Variants in HERPUD2 observed in about 807,000 individuals in gnomAD.
HERPUD2 encodes homocysteine-responsive endoplasmic reticulum-resident ubiquitin-like domain member 2 protein.
Under a neutral mutation model 49.9 loss-of-function variants are expected in HERPUD2, and 13 were observed. The observed-to-expected ratio is 0.26, with a 90% confidence interval of 0.17 to 0.41. The LOEUF (loss-of-function observed/expected upper bound fraction) is 0.41, where lower values mean the gene tolerates loss of function less well. HERPUD2 is among the 10% of genes least tolerant of loss of function. The pLI, the probability that HERPUD2 is intolerant of heterozygous loss-of-function variation, is 1.00. For missense variants in HERPUD2, 449 were observed against 492.2 expected, an observed-to-expected ratio of 0.91 and a Z score of 0.83; for synonymous variants, 172 against 171.4, an observed-to-expected ratio of 1.00 and a Z score of -0.03.
intron 5 of HERPUD2, among the ~76,000 whole-genome samples, chr7:35,652,701 A>AAGGGAAGGG (rs1785192738): frequency 6.6e-6 from 1 of 151,322 alleles, no homozygotes; most frequent in Non-Finnish European, 1.5e-5. Context: ...GAGGGAGGGG[A>AAGGGAAGGG]AGGGAAGGGA....
chr7:35,643,497 C>T (rs1301553598), intron 5 of HERPUD2, among the ~76,000 whole-genome samples: 2 of 152,070 alleles, frequency 1.3e-5, no homozygotes, highest in Non-Finnish European at 2.9e-5. Context: ...TATGGAGTGA[C>T]TTCTTAGATA....
chr7:35,639,570 G>A (rs1010492863), intron 5 of HERPUD2, among the ~76,000 whole-genome samples: 9 of 152,126 alleles, frequency 5.9e-5, no homozygotes, highest in African/African-American at 2.2e-4. Context: ...CAACTACAGA[G>A]ATAAACAGGT....
chr7:35,640,543 G>A (rs1784953274), intron 5 of HERPUD2, among the ~76,000 whole-genome samples: 1 of 152,148 alleles, frequency 6.6e-6, no homozygotes, highest in Non-Finnish European at 1.5e-5. Context: ...ACCTCCCCAA[G>A]TATTCTTCCC....
At chr7:35,667,306 C>T (rs1785556526) in intron 5 of HERPUD2, 128 bp downstream of exon 5, 1 of 884,998 alleles carries the variant, frequency 1.1e-6, no homozygotes, top group Non-Finnish European at 1.7e-6. Context: ...TCTCAAAATA[C>T]AAAATCAAAT....
intron 2 of HERPUD2, among the ~76,000 whole-genome samples, chr7:35,688,419 T>A (rs146476735): frequency 6.6e-6 from 1 of 152,322 alleles, no homozygotes; most frequent in African/African-American, 2.4e-5. Flanking sequence ...CTTCCACTCA[T>A]GGGTAGAGAT....
intron 2 of HERPUD2, 123 bp downstream of exon 2, chr7:35,694,061 C>G: frequency 1.1e-6 from 1 of 944,124 alleles, no homozygotes; most frequent in Non-Finnish European, 1.7e-6. Context: ...CTCAAAATAC[C>G]TCGCGGTCTA....
intron 2 of HERPUD2, among the ~76,000 whole-genome samples, chr7:35,674,480 G>T (rs1424955709): frequency 7.6e-6 from 1 of 132,382 alleles, no homozygotes. Flanking sequence ...CTGTGGTATC[G>T]TAAAATGTAT....
intron 5 of HERPUD2, among the ~76,000 whole-genome samples, chr7:35,644,256 T>TAA (rs1163850886): frequency 7.1e-6 from 1 of 140,886 alleles, no homozygotes; most frequent in African/African-American, 2.6e-5. Context: ...ATAATTCCTT[T>TAA]AAAAAAAAAA....
intron 5 of HERPUD2, among the ~76,000 whole-genome samples, chr7:35,651,566 C>T (rs1785167996): frequency 6.6e-6 from 1 of 152,052 alleles, no homozygotes; most frequent in South Asian, 2.1e-4. Flanking sequence ...CCACCATAGA[C>T]CCATCTTTAG....
intron 2 of HERPUD2, among the ~76,000 whole-genome samples, chr7:35,679,513 A>AAGAC (rs138639895): frequency 6.6e-6 from 1 of 151,874 alleles, no homozygotes; most frequent in African/African-American, 2.4e-5. Context: ...TGAAAGGAGA[A>AAGAC]AGACAGACAC....
At chr7:35,692,846 C>G (rs976567621) in intron 2 of HERPUD2, among the ~76,000 whole-genome samples, 4 of 152,202 alleles carry the variant, frequency 2.6e-5, no homozygotes, top group African/African-American at 4.8e-5. Flanking sequence ...TAATATAGAT[C>G]AAGTGTCTTC....
chr7:35,664,321 C>T (rs1374331103), intron 5 of HERPUD2, among the ~76,000 whole-genome samples: 1 of 152,174 alleles, frequency 6.6e-6, no homozygotes, highest in Admixed American at 6.5e-5. Flanking sequence ...CTGCCCTTAA[C>T]ATTTTTTTCT....
chr7:35,666,062 G>A (rs1164934105), intron 5 of HERPUD2, among the ~76,000 whole-genome samples: 4 of 152,108 alleles, frequency 2.6e-5, no homozygotes, highest in African/African-American at 7.2e-5. Flanking sequence ...AAATCACTCT[G>A]TATAAACTGA....
intron 5 of HERPUD2, among the ~76,000 whole-genome samples, chr7:35,649,291 G>A (rs539275865): frequency 3.3e-4 from 50 of 151,488 alleles, no homozygotes; most frequent in African/African-American, 1.2e-3. Flanking sequence ...TATTTGACCT[G>A]GAAATATGTC....
At chr7:35,666,827 T>C (rs751794725) in intron 5 of HERPUD2, among the ~76,000 whole-genome samples, 5 of 152,166 alleles carry the variant, frequency 3.3e-5, no homozygotes, top group Non-Finnish European at 7.3e-5. Flanking sequence ...AAACTCTCAA[T>C]ACAACAAAGA....
At position 35,682,349 on chromosome 7, in the gene HERPUD2, GTGTGTGTGTATATA is replaced by G. The variant is rs1404735311; in HGVS notation, c.148-9085_148-9072del. Among the ~76,000 whole-genome samples, 16 of 41,794 alleles carry G rather than the reference GTGTGTGTGTATATA, an allele frequency of 3.8e-4. 3 individuals carry two copies. The highest frequency in any genetic ancestry group is 1.5e-3 in the African/African-American group (14 of 9,406). 27.4% of individuals were successfully genotyped at this position (41,794 alleles called of 152,430 possible). On this transcript the variant is annotated intron_variant, in intron 2 of 8. Coordinates refer to ENST00000311350, the MANE Select transcript of HERPUD2 (RefSeq NM_022373.5). ...CACGTGTGTGTGTGTGTGTGTGTGTGTGTGTGTGTATATATATATATATATATATATATATATAC... is the reference window on the plus strand; with the variant it reads ...CACGTGTGTGTGTGTGTGTGTGTGTGTATATATATATATATATATATATAC...
At chr7:35,672,727 T>G (rs1583561553) in intron 3 of HERPUD2, among the ~76,000 whole-genome samples, 1 of 152,038 alleles carries the variant, frequency 6.6e-6, no homozygotes, top group African/African-American at 2.4e-5. Context: ...AATATAAAAA[T>G]GTATTGAAAT....
chr7:35,685,000 G>T (rs1277336604), intron 2 of HERPUD2, among the ~76,000 whole-genome samples: 1 of 152,100 alleles, frequency 6.6e-6, no homozygotes, highest in Admixed American at 6.5e-5. Context: ...CAGCACTTTG[G>T]GAGGCCAAAA....
At chr7:35,648,956 T>C (rs1240417635) in intron 5 of HERPUD2, among the ~76,000 whole-genome samples, 2 of 152,210 alleles carry the variant, frequency 1.3e-5, no homozygotes, top group African/African-American at 2.4e-5. Flanking sequence ...AGACTTTAAA[T>C]GTTGTGGATT....
Sources: gnomAD v4.1 joint callset for allele counts (sites outside exome capture counted in the v4.1 genomes callset) on GRCh38, gnomAD v4.1.1 for gene constraint, MANE v1.5 for transcripts, NCBI Gene and HGNC (gene_info 2026-07-23, HGNC 2026-07-21) for gene names.